The following ANO4 variants were observed in gnomAD, a reference collection of about 807,000 sequenced individuals.
ANO4 encodes the protein anoctamin-4.
A neutral mutation model predicts 141.9 loss-of-function variants in ANO4; 69 were observed. The observed-to-expected ratio is 0.49, with a 90% CI of 0.40 to 0.59. The LOEUF (loss-of-function observed/expected upper bound fraction) is 0.59. Among genes scored for constraint, ANO4 ranks in the 20% least tolerant of loss-of-function variants. ANO4 has a pLI of 0.00. For missense variants in ANO4, 894 were observed against 1,162.2 expected, an observed-to-expected ratio of 0.77 and a Z score of 3.36; for synonymous variants, 350 against 394.3, an observed-to-expected ratio of 0.89 and a Z score of 1.33.
chr12:101,005,018 G>T (rs527978191), intron 8 of ANO4, among the ~76,000 whole-genome samples: 1 of 152,346 alleles, frequency 6.6e-6, no homozygotes, highest in East Asian at 1.9e-4. Context: ...AGCAGGGACA[G>T]AGATGGATCT....
chr12:100,809,507 G>A (rs747170236), intron 1 of ANO4, among the ~76,000 whole-genome samples: 8 of 152,208 alleles, frequency 5.3e-5, no homozygotes, highest in African/African-American at 7.2e-5. Context: ...TGAGCAACCA[G>A]CATCTGAACT....
At chr12:100,975,161 C>CTTT (rs60844353) in intron 7 of ANO4, among the ~76,000 whole-genome samples, 1 of 141,128 alleles carries the variant, frequency 7.1e-6, no homozygotes, top group Non-Finnish European at 1.6e-5. Context: ...TTAGCCCATT[C>CTTT]TTTTTTTTTT....
chr12:100,826,200 A>G (rs1035227128), intron 1 of ANO4, among the ~76,000 whole-genome samples: 1 of 152,034 alleles, frequency 6.6e-6, no homozygotes, highest in African/African-American at 2.4e-5. Context: ...TTGAAATATG[A>G]AAAATTATGA....
chr12:100,830,914 C>T (rs1446556330), intron 1 of ANO4, among the ~76,000 whole-genome samples: 2 of 151,846 alleles, frequency 1.3e-5, no homozygotes, highest in Non-Finnish European at 2.9e-5. Flanking sequence ...ATGAGTATAC[C>T]ATAAGCTCTT....
At chr12:100,722,564 G>T (rs1465335877) in intron 1 of ANO4, among the ~76,000 whole-genome samples, 1 of 152,106 alleles carries the variant, frequency 6.6e-6, no homozygotes, top group Admixed American at 6.6e-5. Flanking sequence ...TTCTCTGTCT[G>T]ACTTGGTGCT....
intron 1 of ANO4, among the ~76,000 whole-genome samples, chr12:100,805,455 A>G (rs896541065): frequency 1.4e-4 from 22 of 152,330 alleles, no homozygotes; most frequent in African/African-American, 5.1e-4. Context: ...TTCCATATGA[A>G]TTTAAAAAAT....
At chr12:101,033,748 A>T (rs566233608) in intron 9 of ANO4, among the ~76,000 whole-genome samples, 5 of 152,200 alleles carry the variant, frequency 3.3e-5, no homozygotes, top group African/African-American at 1.2e-4. Flanking sequence ...GCCATCTGAC[A>T]GAAATCGAAT....
At chr12:100,839,003 A>T (rs2037094631) in intron 1 of ANO4, among the ~76,000 whole-genome samples, 2 of 152,156 alleles carry the variant, frequency 1.3e-5, no homozygotes, top group Non-Finnish European at 2.9e-5. Flanking sequence ...GGATTAGAAG[A>T]CTGAGGACAT....
At chr12:100,925,033 C>T (rs1397839063) in intron 3 of ANO4, among the ~76,000 whole-genome samples, 1 of 151,982 alleles carries the variant, frequency 6.6e-6, no homozygotes, top group Non-Finnish European at 1.5e-5. Flanking sequence ...AATGCAAATC[C>T]AGCCCTTTAT....
At chr12:100,987,388 T>C in intron 7 of ANO4, 151 bp from the exon 8 acceptor site, 1 of 1,001,838 alleles carries the variant, frequency 1.0e-6, no homozygotes, top group South Asian at 1.6e-5. Flanking sequence ...GGCTGTCTTC[T>C]TTCCATCTAT....
In ANO4 at chr12:101,005,277, AT is replaced by A. The variant is rs370945696; in HGVS notation, c.735-14754del. Among the ~76,000 whole-genome samples, 6 of 152,288 alleles carry A rather than the reference AT, an allele frequency of 3.9e-5. 1 individual carries two copies. Among genetic ancestry groups the A allele is most frequent in the African/African-American group, 1.4e-4 (6 of 41,568 alleles). ...CTGGTCTGAGGATTAATTAGGAAAT[AT>A]TTCCAGACTTGTTTTATAGATTAAA... On this transcript the variant is annotated intron_variant, in intron 8 of 27. Transcript: ENST00000392977.
At chr12:100,924,050 A>G (rs985940226) in intron 3 of ANO4, among the ~76,000 whole-genome samples, 1 of 151,936 alleles carries the variant, frequency 6.6e-6, no homozygotes, top group Non-Finnish European at 1.5e-5. Flanking sequence ...CCTTTGTCAG[A>G]TGGGTAGATT....
intron 2 of ANO4, among the ~76,000 whole-genome samples, chr12:100,909,371 T>C (rs567618995): frequency 6.6e-6 from 1 of 152,268 alleles, no homozygotes; most frequent in Non-Finnish European, 1.5e-5. Flanking sequence ...CTCTTCAGCC[T>C]TCATAGTGGG....
chr12:100,924,947 C>T (rs551993413), intron 3 of ANO4, among the ~76,000 whole-genome samples: 1 of 152,118 alleles, frequency 6.6e-6, no homozygotes, highest in South Asian at 2.1e-4. Context: ...GAAGGGTGAT[C>T]TTTCTATGAA....
intron 18 of ANO4, among the ~76,000 whole-genome samples, chr12:101,095,541 T>C (rs959150159): frequency 7.9e-5 from 12 of 152,188 alleles, no homozygotes; most frequent in Non-Finnish European, 1.5e-4. Context: ...CGCAACAGTA[T>C]GGCCTTGTCC....
At chr12:100,770,550 A>C (rs925599099) in intron 3 of ANO4, among the ~76,000 whole-genome samples, 3 of 152,224 alleles carry the variant, frequency 2.0e-5, no homozygotes, top group East Asian at 1.9e-4. Context: ...AGATAGAGTC[A>C]AACTAAAGAG....
intron 1 of ANO4, among the ~76,000 whole-genome samples, chr12:100,851,069 A>C (rs542021873): frequency 1.3e-5 from 2 of 152,138 alleles, no homozygotes; most frequent in Non-Finnish European, 1.5e-5. Flanking sequence ...CTATCTTGCT[A>C]TGCATATTGC....
chr12:101,028,300 G>C (rs1410446647), intron 9 of ANO4, among the ~76,000 whole-genome samples: 1 of 152,094 alleles, frequency 6.6e-6, no homozygotes, highest in East Asian at 1.9e-4. Context: ...ATGACTCTCT[G>C]GCAAGGGCAT....
At chr12:100,773,204 TG>T (rs1408860389) in intron 3 of ANO4, among the ~76,000 whole-genome samples, 1 of 152,200 alleles carries the variant, frequency 6.6e-6, no homozygotes, top group Admixed American at 6.5e-5. Flanking sequence ...ACAAGGAAAC[TG>T]GGGCCTCTTT....
Sources: allele counts gnomAD v4.1 joint callset (sites outside exome capture counted in the v4.1 genomes callset), GRCh38; gene constraint gnomAD v4.1.1; transcripts MANE v1.5; gene names NCBI Gene and HGNC (gene_info 2026-07-23, HGNC 2026-07-21).